The following HMGB1 variants were observed in gnomAD, a reference collection of about 807,000 sequenced individuals.
HMGB1 encodes the protein high mobility group box 1, also known as high mobility group protein B1.
For missense variants in HMGB1, 79 were observed against 253.5 expected (o/e 0.31, Z 4.67); for synonymous variants, 81 against 84.0 (o/e 0.96, Z 0.19).
At chr13:30,490,843 G>T (rs1887473918) in intron 1 of HMGB1, among the ~76,000 whole-genome samples, 1 of 151,932 alleles carries the variant, frequency 6.6e-6, no homozygotes, top group African/African-American at 2.4e-5. Flanking sequence ...CTTTCCTGAA[G>T]ACGTGCTTTT....
At chr13:30,474,490 C>G (rs754547554) in intron 1 of HMGB1, among the ~76,000 whole-genome samples, 1 of 152,118 alleles carries the variant, frequency 6.6e-6, no homozygotes, top group African/African-American at 2.4e-5. Flanking sequence ...TCTGGAGAGC[C>G]GGGGGTGACC....
chr13:30,474,930 T>TC lies in HMGB1; in HGVS notation c.-14-11237_-14-11236insG, dbSNP rs1491499386. 2.0e-4 allele frequency among the ~76,000 whole-genome samples: 28 copies of TC among 141,186 alleles called. 1 individual carries two copies. The East Asian group carries it at 4.5e-3, about 23-fold the overall frequency. 92.6% of individuals were successfully genotyped at this position (141,186 alleles called of 152,430 possible). A position where few individuals can be genotyped will look rare whatever the true frequency, so the allele number is the denominator to read the frequency against. On this transcript the variant is annotated intron_variant, in intron 1 of 4. Coordinates refer to the HMGB1 transcript ENST00000405805. ...AATGGTGCAACCTTGGCTCACTCTC[T>TC]TTCTCTTTTTTTTTTCTTTTCTTTT... is the stretch of plus-strand genomic sequence containing the variant.
intron 1 of HMGB1, among the ~76,000 whole-genome samples, chr13:30,487,491 C>A (rs376959682): frequency 3.3e-5 from 5 of 152,214 alleles, no homozygotes; most frequent in African/African-American, 1.2e-4. Flanking sequence ...AAAAAATAAG[C>A]ACCTGAACTG....
intron 3 of HMGB1, 32 bp downstream of exon 3, chr13:30,463,175 G>A (rs1305474030): frequency 1.9e-6 from 3 of 1,594,208 alleles, no homozygotes; most frequent in Non-Finnish European, 2.6e-6. Context: ...TGTAAAACGT[G>A]TCTGGGAAGT....
At chr13:30,544,071 C>T (rs1869034647) in intron 1 of HMGB1, among the ~76,000 whole-genome samples, 1 of 152,362 alleles carries the variant, frequency 6.6e-6, no homozygotes, top group Admixed American at 6.5e-5. Flanking sequence ...CTAGATGTGT[C>T]TGCACCCACA....
chr13:30,473,772 C>A (rs1887003169), intron 1 of HMGB1, among the ~76,000 whole-genome samples: 1 of 152,130 alleles, frequency 6.6e-6, no homozygotes, highest in Admixed American at 6.5e-5. Context: ...CCAAAAGAAA[C>A]AAAAACATGT....
At chr13:30,552,684 A>G (rs1284002580) in intron 1 of HMGB1, among the ~76,000 whole-genome samples, 1 of 152,248 alleles carries the variant, frequency 6.6e-6, no homozygotes, top group African/African-American at 2.4e-5. Flanking sequence ...ACTACCCAGC[A>G]TTCGTTGGTG....
At chr13:30,552,908 G>C (rs1869493281) in intron 1 of HMGB1, among the ~76,000 whole-genome samples, 1 of 152,112 alleles carries the variant, frequency 6.6e-6, no homozygotes, top group Admixed American at 6.5e-5. Context: ...ACCTGCTTTT[G>C]GCCTCTGCCC....
intron 1 of HMGB1, among the ~76,000 whole-genome samples, chr13:30,574,197 G>T (rs1321744905): frequency 6.6e-6 from 1 of 152,128 alleles, no homozygotes; most frequent in Non-Finnish European, 1.5e-5. Context: ...CGTCCAACTG[G>T]AATTAATTTC....
At chr13:30,554,044 A>C in intron 1 of HMGB1, 2 of 1,421,856 alleles carry the variant, frequency 1.4e-6, no homozygotes, top group East Asian at 2.3e-5. Context: ...AAATGTGCGC[A>C]GTACTGGCCA....
intron 1 of HMGB1, among the ~76,000 whole-genome samples, chr13:30,496,375 C>T (rs1419420766): frequency 6.6e-6 from 1 of 152,234 alleles, no homozygotes; most frequent in Non-Finnish European, 1.5e-5. Context: ...CACAGCCTGG[C>T]ACATGGGCCT....
chr13:30,605,530 G>A (rs1444040268), intron 1 of HMGB1, among the ~76,000 whole-genome samples: 2 of 152,206 alleles, frequency 1.3e-5, no homozygotes, highest in Non-Finnish European at 2.9e-5. Context: ...AGCAAAATGA[G>A]GACTAAGCAA....
At chr13:30,522,578 C>T (rs1888264622) in intron 1 of HMGB1, among the ~76,000 whole-genome samples, 1 of 152,238 alleles carries the variant, frequency 6.6e-6, no homozygotes, top group East Asian at 1.9e-4. Flanking sequence ...AGTATGACAA[C>T]ACCACTTTAG....
At chr13:30,533,582 C>T (rs528537861) in intron 1 of HMGB1, among the ~76,000 whole-genome samples, 1 of 152,144 alleles carries the variant, frequency 6.6e-6, no homozygotes, top group South Asian at 2.1e-4. Context: ...CCAGGCTGAT[C>T]TCAAACTCCT....
At chr13:30,561,791 AG>A (rs1369519150) in intron 1 of HMGB1, among the ~76,000 whole-genome samples, 1 of 152,184 alleles carries the variant, frequency 6.6e-6, no homozygotes, top group African/African-American at 2.4e-5. Flanking sequence ...TGGAGTTCAC[AG>A]ACCTGGAAGA....
At chr13:30,556,496 T>C (rs574191143) in intron 1 of HMGB1, among the ~76,000 whole-genome samples, 61 of 152,280 alleles carry the variant, frequency 4.0e-4, no homozygotes, top group African/African-American at 1.2e-3. Context: ...AGCCAAGATA[T>C]GGAGTCAACC....
At chr13:30,615,932 C>A (rs1020352434) in intron 1 of HMGB1, among the ~76,000 whole-genome samples, 1 of 152,234 alleles carries the variant, frequency 6.6e-6, no homozygotes, top group Non-Finnish European at 1.5e-5. Context: ...AATAAAATTT[C>A]TGTCCCACAC....
intron 1 of HMGB1, among the ~76,000 whole-genome samples, chr13:30,519,513 G>A (rs1888186054): frequency 6.8e-6 from 1 of 147,494 alleles, no homozygotes; most frequent in African/African-American, 2.5e-5. Flanking sequence ...GGCTAACACA[G>A]TGAAACCCTG....
intron 1 of HMGB1, among the ~76,000 whole-genome samples, chr13:30,483,358 C>CT (rs71093069): frequency 4.6e-5 from 7 of 151,980 alleles, no homozygotes; most frequent in South Asian, 2.1e-4. Flanking sequence ...TTAACTCCTC[C>CT]TTTCCCTCAC....
Sources: gnomAD v4.1 joint callset for allele counts (sites outside exome capture counted in the v4.1 genomes callset) on GRCh38, gnomAD v4.1.1 for gene constraint, MANE v1.5 for transcripts, NCBI Gene and HGNC (gene_info 2026-07-23, HGNC 2026-07-21) for gene names.